SLC44A5: variants seen among roughly 807,000 people sequenced by gnomAD.
SLC44A5 encodes the protein choline transporter-like protein 5.
SLC44A5 carries 57 observed loss-of-function variants against 101.8 expected under a neutral mutation model. That is an observed-to-expected ratio of 0.56 (90% confidence interval 0.45 to 0.70). The LOEUF is 0.70. Among genes scored for constraint, SLC44A5 ranks in the 30% least tolerant of loss-of-function variants. The pLI, the probability that SLC44A5 is intolerant of heterozygous loss-of-function variation, is 0.00. For synonymous variants in SLC44A5, 281 were observed against 290.9 expected (o/e 0.97, Z 0.35); for missense variants, 737 against 853.1 (o/e 0.86, Z 1.70).
chr1:75,274,536 C>A (rs1651758004), intron 6 of SLC44A5, among the ~76,000 whole-genome samples: 2 of 152,066 alleles, frequency 1.3e-5, no homozygotes, highest in African/African-American at 4.8e-5. Context: ...GGGTGTGCCC[C>A]TTACTTCGAA....
chr1:75,293,514 T>C (rs1225764499), intron 5 of SLC44A5, among the ~76,000 whole-genome samples: 2 of 152,206 alleles, frequency 1.3e-5, no homozygotes, highest in Non-Finnish European at 2.9e-5. Context: ...TTTTAATATG[T>C]GAGGAACAGG....
chr1:75,592,349 CT>C (rs1674401034), intron 1 of SLC44A5, among the ~76,000 whole-genome samples: 1 of 151,898 alleles, frequency 6.6e-6, no homozygotes, highest in African/African-American at 2.4e-5. Flanking sequence ...CTATAAAATA[CT>C]GATGAAGGAA....
rs189330839 is a variant in SLC44A5 at position 75,495,404 on chromosome 1, G to A, written c.13+46031C>T. Among the ~76,000 whole-genome samples the A allele has an allele frequency of 4.5e-4, 69 of 152,100 alleles. 1 individual carries two copies. In the East Asian group the frequency reaches 7.4e-3, roughly 16 times the overall value. ...CAGGAGGCAGAGTTTGCAGTGAGCC[G>A]AGATTGCGCCACTGCACTCCAGCCC... On this transcript the variant is annotated intron_variant, in intron 2 of 23. Transcript: ENST00000370859.
intron 23 of SLC44A5, among the ~76,000 whole-genome samples, chr1:75,210,257 C>T (rs926427761): frequency 2.0e-5 from 3 of 151,888 alleles, no homozygotes; most frequent in African/African-American, 7.3e-5. Flanking sequence ...GATAGGGTCT[C>T]ACTATGTTGC....
chr1:75,489,492 T>G (rs148623333), intron 2 of SLC44A5, among the ~76,000 whole-genome samples: 332 of 152,328 alleles, frequency 2.2e-3, no homozygotes, highest in East Asian at 0.015. Flanking sequence ...TGTTTGTTTG[T>G]TTGGTTGGTT....
At chr1:75,705,714 G>C in the SLC44A5 span, among the ~76,000 whole-genome samples, 1 of 152,104 alleles carries the variant, frequency 6.6e-6, no homozygotes, top group Non-Finnish European at 1.5e-5. Context: ...GTCTTGCTCT[G>C]TTGCCCAGAC....
At chr1:75,239,940 A>G (rs1648467134) in intron 9 of SLC44A5, among the ~76,000 whole-genome samples, 1 of 150,612 alleles carries the variant, frequency 6.6e-6, no homozygotes. Context: ...TTCCATGGTC[A>G]GTTTCTCTCA....
chr1:75,649,306 T>G, the SLC44A5 span, among the ~76,000 whole-genome samples: 1 of 152,184 alleles, frequency 6.6e-6, no homozygotes, highest in Non-Finnish European at 1.5e-5. Context: ...CCAGACAAGT[T>G]TAAATACATT....
intron 4 of SLC44A5, among the ~76,000 whole-genome samples, chr1:75,306,735 T>TTTTC (rs1654932355): frequency 8.5e-6 from 1 of 117,348 alleles, no homozygotes; most frequent in Non-Finnish European, 1.8e-5. Context: ...TTTCCTTTCT[T>TTTTC]TTTTTTTTTT....
In SLC44A5 at chr1:75,340,496, G is replaced by T. The variant is rs569774527; in HGVS notation, c.53-866C>A. Among the ~76,000 whole-genome samples the T allele has an allele frequency of 2.6e-5, 4 of 152,310 alleles. No homozygotes were observed. In the South Asian group the frequency reaches 6.2e-4, roughly 24 times the overall value. On this transcript the variant is annotated intron_variant, in intron 3 of 23. Transcript: ENST00000370859. Reference sequence around the variant, plus strand: ...TTTTCCTGTTTGAGACAGTTGATTTGTACTTCAGTGCCAAGTTCTCTAGCA... The same window carrying T: ...TTTTCCTGTTTGAGACAGTTGATTTTTACTTCAGTGCCAAGTTCTCTAGCA...
intron 6 of SLC44A5, among the ~76,000 whole-genome samples, chr1:75,271,497 T>TTTTTTTTTTTTTTTTTTG (rs1553152601): frequency 2.7e-5 from 4 of 146,300 alleles, no homozygotes; most frequent in African/African-American, 1.0e-4. Context: ...TCTGCATGTT[T>TTTTTTTTTTTTTTTTTTG]TGTGTGTGTG....
At chr1:75,721,311 A>G in the SLC44A5 span, among the ~76,000 whole-genome samples, 1 of 152,330 alleles carries the variant, frequency 6.6e-6, no homozygotes, top group South Asian at 2.1e-4. Context: ...CACAGACCAC[A>G]TGCAACCCAC....
chr1:75,591,028 C>T (rs1674322845), intron 1 of SLC44A5, among the ~76,000 whole-genome samples: 2 of 152,146 alleles, frequency 1.3e-5, no homozygotes, highest in South Asian at 2.1e-4. Flanking sequence ...TCACTCAGAG[C>T]AGTCATACTG....
chr1:75,662,893 A>G, the SLC44A5 span, among the ~76,000 whole-genome samples: 1 of 152,110 alleles, frequency 6.6e-6, no homozygotes, highest in African/African-American at 2.4e-5. Flanking sequence ...CTTTCAATGT[A>G]TTCAAAACAA....
At chr1:75,449,991 C>T (rs570917655) in intron 2 of SLC44A5, among the ~76,000 whole-genome samples, 1 of 151,866 alleles carries the variant, frequency 6.6e-6, no homozygotes, top group African/African-American at 2.4e-5. Context: ...CAGAGCAAGA[C>T]TCTATCTCAA....
Position 75,484,796 on chromosome 1 carries a change from T to C in SLC44A5, c.13+56639A>G, listed in dbSNP as rs192955537. The stretch of plus-strand genomic sequence containing the variant: ...GGTGGAGGCTCCCAAAGCTCAACTC[T>C]TGCCTTCTGCACAACTGTAAGCCCA... On this transcript the variant is annotated intron_variant, in intron 2 of 23. Coordinates refer to ENST00000370859, the MANE Select transcript of SLC44A5 (RefSeq NM_001130058.2). Among the ~76,000 whole-genome samples, 61 of 152,352 alleles carry C rather than the reference T, an allele frequency of 4.0e-4. 1 individual carries two copies. Among genetic ancestry groups the C allele is most frequent in the African/African-American group, 1.4e-3 (60 of 41,590 alleles).
the SLC44A5 span, among the ~76,000 whole-genome samples, chr1:75,700,436 T>C: frequency 6.7e-6 from 1 of 148,676 alleles, no homozygotes; most frequent in Non-Finnish European, 1.5e-5. Context: ...AAGGCAGAAA[T>C]AAAGATGTTC....
intron 3 of SLC44A5, among the ~76,000 whole-genome samples, chr1:75,376,820 G>T (rs1330039692): frequency 6.6e-6 from 1 of 152,234 alleles, no homozygotes; most frequent in Non-Finnish European, 1.5e-5. Flanking sequence ...GAACAAAGCT[G>T]GATGGAGAAT....
chr1:75,218,587 C>T lies in SLC44A5; in HGVS notation c.1432G>A (p.Ala478Thr), dbSNP rs759590084. 14 of 1,613,628 alleles carry T rather than the reference C, an allele frequency of 8.7e-6. No individual in the cohort carries two copies. The highest frequency in any genetic ancestry group is 4.5e-5 in the East Asian group (2 of 44,858). Residue 478 changes from alanine (A) to threonine (T), a missense_variant, in exon 17 of 24, where the codon GCC (alanine) becomes ACC (threonine). Coordinates refer to ENST00000370859, the MANE Select transcript of SLC44A5 (RefSeq NM_001130058.2). Reference sequence around the variant, plus strand: ...TAAGTAGCGAATGCACCAGCAAGGGCGCACTGACCTAATGCAATGACGAAG... The same window carrying T: ...TAAGTAGCGAATGCACCAGCAAGGGTGCACTGACCTAATGCAATGACGAAG... ...INFVIALGQC[A>T]LAGAFATYYW...
Sources: allele counts gnomAD v4.1 joint callset (sites outside exome capture counted in the v4.1 genomes callset), GRCh38; gene constraint gnomAD v4.1.1; transcripts MANE v1.5; gene names NCBI Gene and HGNC (gene_info 2026-07-23, HGNC 2026-07-21).